SH2B3: variants seen among roughly 807,000 people sequenced by gnomAD.
The protein encoded by SH2B3 is SH2B adaptor protein 3.
SH2B3 carries 43 observed loss-of-function variants against 51.9 expected under a neutral mutation model. The observed-to-expected ratio is 0.83, with a 90% confidence interval of 0.65 to 1.07. SH2B3 has a LOEUF of 1.07. Among genes scored for constraint, SH2B3 ranks in the 50% least tolerant of loss-of-function variants. The pLI is 0.00. For synonymous variants in SH2B3, 396 were observed against 376.0 expected, an observed-to-expected ratio of 1.05 and a Z score of -0.62; for missense variants, 952 against 834.3, an observed-to-expected ratio of 1.14 and a Z score of -1.74.
intron 2 of SH2B3, among the ~76,000 whole-genome samples, chr12:111,436,758 AG>A (rs1445328306): frequency 6.6e-6 from 1 of 151,572 alleles, no homozygotes; most frequent in Non-Finnish European, 1.5e-5. Context: ...TCTCTCTGAG[AG>A]GGGGCTTTGT....
intron 2 of SH2B3, among the ~76,000 whole-genome samples, chr12:111,441,351 C>T (rs1224396800): frequency 2.0e-5 from 3 of 148,634 alleles, no homozygotes; most frequent in African/African-American, 7.5e-5. Flanking sequence ...AGAGCAAGAC[C>T]CTATCTCTTA....
rs747361036 is a variant in SH2B3 at position 111,447,026 on chromosome 12, G to C, written c.919G>C (p.Gly307Arg). ...SWMAELSECT[G>R]RGLESTEAEM... is the part of the protein sequence containing the mutation. ...GATGGCTGAGCTCTCGGAGTGCACAGGCCGAGGGTGAGGTCCTGGGCCCTC... is the reference window on the plus strand; with the variant it reads ...GATGGCTGAGCTCTCGGAGTGCACACGCCGAGGGTGAGGTCCTGGGCCCTC... Residue 307 changes from glycine to arginine, a missense_variant, in exon 4 of 8, where the codon GGC (glycine) becomes CGC (arginine). By Grantham distance (125) the Gly-to-Arg change is moderately radical. Coordinates refer to ENST00000341259, the MANE Select transcript of SH2B3 (RefSeq NM_005475.3). 36 of 1,613,568 alleles carry C rather than the reference G, an allele frequency of 2.2e-5. No homozygotes were observed. Among genetic ancestry groups the C allele is most frequent in the Non-Finnish European group, 2.9e-5 (34 of 1,179,638 alleles).
chr12:111,444,936 A>G lies in SH2B3; in HGVS notation c.733-1817A>G, dbSNP rs890592960. The stretch of plus-strand genomic sequence containing the variant: ...TGGCTCTAGGCCTGGGCGGCTCTCA[A>G]GGGCTGCTGTGGGGAGTTGGGGAAG... On this transcript the variant is annotated intron_variant, in intron 2 of 7. Transcript: ENST00000341259. 4.2e-6 allele frequency: 4 copies of G among 949,918 alleles called. No individual in the cohort carries two copies. In the African/African-American group the frequency reaches 5.3e-5, roughly 13 times the overall value. The allele number at this position is 949,918 out of a possible 1,614,324, so 58.8% of individuals were successfully genotyped here.
Position 111,438,532 on chromosome 12 carries a change from G to T in SH2B3, c.733-8221G>T, listed in dbSNP as rs146148779. 1.3e-5 allele frequency among the ~76,000 whole-genome samples: 2 copies of T among 152,160 alleles called. No homozygotes were observed. The highest frequency in any genetic ancestry group is 2.9e-5 in the Non-Finnish European group (2 of 68,012). ...GGGGCAATCATCCCCTATGCCCCCCGTTACCCAGCACAAAGGATGCTTAGC... is the reference window on the plus strand; with the variant it reads ...GGGGCAATCATCCCCTATGCCCCCCTTTACCCAGCACAAAGGATGCTTAGC... On this transcript the variant is annotated intron_variant, in intron 2 of 7. Transcript: ENST00000341259. This position sits in a 1 kb window ranked among gnomAD's most constrained non-coding sequence, Gnocchi z 4.2.
rs1360450390 is a variant in SH2B3, at chr12:111,410,930, G to C, written c.-28+4653G>C. On this transcript the variant is annotated intron_variant, in intron 1 of 7. Coordinates refer to ENST00000341259, the MANE Select transcript of SH2B3 (RefSeq NM_005475.3). The surrounding 1 kb of genome is among the most constrained non-coding windows in gnomAD (Gnocchi z 4.9). ...GGGGAAGATAGAAATGTTCCTTGTG[G>C]CCTAGATTCAACCAGGAGGCCTCCC... Among the ~76,000 whole-genome samples the C allele has an allele frequency of 6.6e-6, 1 of 152,192 alleles. No individual in the cohort carries two copies. Among genetic ancestry groups the C allele is most frequent in the African/African-American group, 2.4e-5 (1 of 41,442 alleles).
intron 1 of SH2B3, among the ~76,000 whole-genome samples, chr12:111,414,070 C>G (rs957022565): frequency 2.0e-5 from 3 of 152,214 alleles, no homozygotes; most frequent in African/African-American, 7.2e-5. Flanking sequence ...CAGCGCCTGT[C>G]TCACCTGTGT....
At position 111,418,764 on chromosome 12, in the gene SH2B3, G is replaced by T; in HGVS notation, c.619G>T (p.Asp207Tyr). The T allele has an allele frequency of 1.4e-6, 2 of 1,478,688 alleles. No individual in the cohort carries two copies. The highest frequency in any genetic ancestry group is 1.8e-6 in the Non-Finnish European group (2 of 1,123,022). 91.6% of individuals were successfully genotyped at this position (1,478,688 alleles called of 1,614,324 possible). A position where few individuals can be genotyped will look rare whatever the true frequency, so the allele number is the denominator to read the frequency against. ...GGCGGTGCTGCGCTACAGCCTGGCC[G>T]ACGAGGCCTCCATGGACAGCGGGGC... ...KEAVLRYSLA[D>Y]EASMDSGARW... Residue 207 changes from aspartate (D) to tyrosine (Y), a missense_variant, in exon 2 of 8, where the codon GAC (aspartate) becomes TAC (tyrosine). Coordinates refer to ENST00000341259, the MANE Select transcript of SH2B3 (RefSeq NM_005475.3). This position sits in a 1 kb window ranked among gnomAD's most constrained non-coding sequence, Gnocchi z 6.7.
chr12:111,419,801 G>A (rs893867389), intron 2 of SH2B3, among the ~76,000 whole-genome samples: 5 of 152,232 alleles, frequency 3.3e-5, no homozygotes, highest in Non-Finnish European at 5.9e-5. Flanking sequence ...AAACGCCACT[G>A]TTCCTTTGGC....
rs906041236 is a variant in SH2B3 at position 111,451,396 on chromosome 12, C to T, written c.*3094C>T. ...ATCTCCCACAAGCTAGAGGAACTTGCGAGTATATTAACAAGGACACATCTG... is the reference window on the plus strand; with the variant it reads ...ATCTCCCACAAGCTAGAGGAACTTGTGAGTATATTAACAAGGACACATCTG... On this transcript the variant is annotated 3_prime_UTR_variant, in exon 8 of 8. Transcript: ENST00000341259. 2 of 152,550 alleles carry T rather than the reference C, an allele frequency of 1.3e-5. No individual in the cohort carries two copies. Among genetic ancestry groups the T allele is most frequent in the African/African-American group, 2.4e-5 (1 of 41,410 alleles). The allele number at this position is 152,550 out of a possible 1,614,324, so 9.4% of individuals were successfully genotyped here. A position where few individuals can be genotyped will look rare whatever the true frequency, so the allele number is the denominator to read the frequency against.
intron 2 of SH2B3, among the ~76,000 whole-genome samples, chr12:111,428,501 G>A (rs533151720): frequency 3.3e-5 from 5 of 152,330 alleles, no homozygotes; most frequent in South Asian, 2.1e-4. Flanking sequence ...GTCATGGGGG[G>A]CAGGCTACGG....
intron 2 of SH2B3, chr12:111,444,642 G>C (rs893124513): frequency 1.5e-6 from 1 of 663,022 alleles, no homozygotes; most frequent in Non-Finnish European, 1.9e-6. Context: ...AGCCCCCACA[G>C]CTGCTGACAC....
At position 111,433,474 on chromosome 12, in the gene SH2B3, A is replaced by G. The variant is rs531752285; in HGVS notation, c.733-13279A>G. On this transcript the variant is annotated intron_variant, in intron 2 of 7. Transcript: ENST00000341259. ...ACTCCAGTTTCTCCATGTCCTTGCCAATATTTGTTATTGTCTGTCTTCTTG... is the reference window on the plus strand; with the variant it reads ...ACTCCAGTTTCTCCATGTCCTTGCCGATATTTGTTATTGTCTGTCTTCTTG... Among the ~76,000 whole-genome samples the G allele has an allele frequency of 1.4e-4, 22 of 152,290 alleles. No individual in the cohort carries two copies. The South Asian group carries it at 4.6e-3, about 32-fold the overall frequency.
chr12:111,447,366 A>C lies in SH2B3; in HGVS notation c.1058A>C (p.Gln353Pro), dbSNP rs773922800. The C allele has an allele frequency of 6.2e-7, 1 of 1,614,050 alleles. No homozygotes were observed. The highest frequency in any genetic ancestry group is 8.5e-7 in the Non-Finnish European group (1 of 1,179,978). ...SPGGLLDPAC[Q>P]KTDHFLSCYP... ...GGGGGGCTGCTGGACCCGGCCTGCCAGAAGACGGACCATTTCCTGTCCTGC... is the reference window on the plus strand; with the variant it reads ...GGGGGGCTGCTGGACCCGGCCTGCCCGAAGACGGACCATTTCCTGTCCTGC... Residue 353 changes from glutamine to proline, a missense_variant, in exon 6 of 8, where the codon CAG (glutamine) becomes CCG (proline). Gln to Pro is a moderately conservative substitution (Grantham distance 76). Transcript: ENST00000341259.
intron 2 of SH2B3, among the ~76,000 whole-genome samples, chr12:111,436,672 G>A (rs1872905437): frequency 6.6e-6 from 1 of 152,032 alleles, no homozygotes; most frequent in Non-Finnish European, 1.5e-5. Context: ...GTCTGTCGCT[G>A]TAGGGAGGCC....
In SH2B3 at chr12:111,418,816, T is replaced by TGC; in HGVS notation, c.674_675dup (p.Arg226AlafsTer53). ...CGCTGGCAGCGCGGGAGGCTGGCGC[T>TGC]GCGCCGGGCCCCGGGCCCCGATGGC... On this transcript the variant is annotated frameshift_variant, in exon 2 of 8. Coordinates refer to ENST00000341259, the MANE Select transcript of SH2B3 (RefSeq NM_005475.3). LOFTEE classifies it high-confidence loss of function. This position sits in a 1 kb window ranked among gnomAD's most constrained non-coding sequence, Gnocchi z 6.7. The TGC allele has an allele frequency of 7.0e-7, 1 of 1,428,760 alleles. No individual in the cohort carries two copies. Among genetic ancestry groups the TGC allele is most frequent in the Non-Finnish European group, 9.1e-7 (1 of 1,104,804 alleles). 88.5% of individuals were successfully genotyped at this position (1,428,760 alleles called of 1,614,324 possible).
rs1871257890 is a variant in SH2B3 at position 111,418,422 on chromosome 12, G to A, written c.277G>A (p.Gly93Ser). ...RAPGRDYRDT[G>S]RGPPAKAEAS... is the part of the protein sequence containing the mutation. ...GCCGGGCCGCGACTACCGGGACACA[G>A]GCCGTGGGCCCCCAGCCAAGGCCGA... is the stretch of plus-strand genomic sequence containing the variant. The change falls in exon 2 of 8, where the codon GGC (glycine) becomes AGC (serine). Residue 93 changes from glycine to serine, a missense_variant. Physicochemically the swap from Gly to Ser is moderately conservative, Grantham distance 56. Coordinates refer to ENST00000341259, the MANE Select transcript of SH2B3 (RefSeq NM_005475.3). This position sits in a 1 kb window ranked among gnomAD's most constrained non-coding sequence, Gnocchi z 6.7. 1.4e-6 allele frequency: 2 copies of A among 1,467,330 alleles called. No individual in the cohort carries two copies. The highest frequency in any genetic ancestry group is 1.3e-5 in the South Asian group (1 of 78,456). The allele number at this position is 1,467,330 out of a possible 1,614,324, so 90.9% of individuals were successfully genotyped here.
chr12:111,432,774 T>C (rs1028595313), intron 2 of SH2B3, among the ~76,000 whole-genome samples: 15 of 152,264 alleles, frequency 9.9e-5, no homozygotes, highest in Non-Finnish European at 1.6e-4. Context: ...TGCAGCCTTT[T>C]GTGTCTGGCT....
rs1565989736 is a variant in SH2B3 at position 111,446,839 on chromosome 12, C to T, written c.819C>T (p.Tyr273=). The change falls in exon 3 of 8, where the codon TAC becomes TAT. Residue 273 remains tyrosine, a synonymous_variant. Coordinates refer to ENST00000341259, the MANE Select transcript of SH2B3 (RefSeq NM_005475.3). ...CTRLEMPDNL[Y]TFVLKVKDRT... ...GGCTTGAGATGCCTGACAACCTTTA[C>T]ACCTTTGTGCTGAAGGTGAGTGACA... 1.7e-5 allele frequency: 27 copies of T among 1,599,206 alleles called. No individual in the cohort carries two copies. The highest frequency in any genetic ancestry group is 2.1e-5 in the Non-Finnish European group (25 of 1,170,306).
intron 2 of SH2B3, among the ~76,000 whole-genome samples, chr12:111,428,494 A>G (rs968383556): frequency 6.6e-6 from 1 of 152,180 alleles, no homozygotes; most frequent in African/African-American, 2.4e-5. Context: ...GGGAAGTGTC[A>G]TGGGGGGCAG....
Sources: gnomAD v4.1 joint callset for allele counts (sites outside exome capture counted in the v4.1 genomes callset) on GRCh38, gnomAD v4.1.1 for gene constraint, Gnocchi (gnomAD v3.1) non-coding constraint, MANE v1.5 for transcripts, NCBI Gene and HGNC (gene_info 2026-07-23, HGNC 2026-07-21) for gene names.